Variants in AFG2A observed in about 807,000 individuals in gnomAD.
The protein encoded by AFG2A is AAA ATPase AFG2A.
the AFG2A span, among the ~76,000 whole-genome samples, chr4:123,265,200 G>T: frequency 2.0e-5 from 3 of 151,856 alleles, no homozygotes; most frequent in Admixed American, 2.0e-4. Context: ...TGAGATCTTT[G>T]GTTGTTATGC....
chr4:123,214,830 TAGCTCACTTTATTATA>T, the AFG2A span, among the ~76,000 whole-genome samples: 2 of 152,052 alleles, frequency 1.3e-5, no homozygotes, highest in Non-Finnish European at 2.9e-5. Context: ...CTTTTTTCTC[TAGCTCACTTTATTATA>T]AGAATACAGT....
the AFG2A span, chr4:122,934,659 A>G: frequency 6.2e-7 from 1 of 1,609,970 alleles, no homozygotes; most frequent in East Asian, 2.2e-5. Flanking sequence ...ACATGATAGG[A>G]GGATTAAGTA....
the AFG2A span, among the ~76,000 whole-genome samples, chr4:123,250,838 A>C: frequency 6.6e-6 from 1 of 152,192 alleles, no homozygotes; most frequent in African/African-American, 2.4e-5. Flanking sequence ...TTTTAATAAT[A>C]ATAGAACATG....
the AFG2A span, among the ~76,000 whole-genome samples, chr4:123,069,580 G>T: frequency 4.1e-3 from 618 of 152,164 alleles, 2 homozygotes; most frequent in Non-Finnish European, 7.3e-3. Context: ...CTTTTTGTTG[G>T]CCTATTTCCT....
At chr4:123,206,457 G>T in the AFG2A span, among the ~76,000 whole-genome samples, 2 of 152,058 alleles carry the variant, frequency 1.3e-5, no homozygotes, top group Non-Finnish European at 2.9e-5. Flanking sequence ...GATTAGTGCT[G>T]CAGACTCTGT....
chr4:122,936,136 A>G, the AFG2A span: 1 of 1,605,444 alleles, frequency 6.2e-7, no homozygotes, highest in African/African-American at 1.3e-5. Context: ...TACGTCAGAT[A>G]TTTGCTGAAG....
chr4:123,176,231 G>C, the AFG2A span, among the ~76,000 whole-genome samples: 2 of 152,098 alleles, frequency 1.3e-5, no homozygotes, highest in African/African-American at 4.8e-5. Context: ...AATATGCAGC[G>C]GTCTTGTTTT....
At chr4:123,274,759 A>G in the AFG2A span, among the ~76,000 whole-genome samples, 2 of 152,240 alleles carry the variant, frequency 1.3e-5, no homozygotes, top group East Asian at 1.9e-4. Context: ...ATGAAGGAAC[A>G]TGAGGCAAGA....
the AFG2A span, among the ~76,000 whole-genome samples, chr4:123,153,194 C>G: frequency 1.3e-5 from 2 of 152,208 alleles, no homozygotes; most frequent in Non-Finnish European, 1.5e-5. Context: ...CTGGGACTTT[C>G]TCCTGTAGCA....
At chr4:123,151,205 C>T in the AFG2A span, among the ~76,000 whole-genome samples, 3 of 152,114 alleles carry the variant, frequency 2.0e-5, no homozygotes, top group Non-Finnish European at 4.4e-5. Context: ...AGGAAGTAGG[C>T]ATGGGCAAAG....
the AFG2A span, among the ~76,000 whole-genome samples, chr4:123,114,893 T>C: frequency 6.6e-6 from 1 of 152,170 alleles, no homozygotes. Flanking sequence ...TGAGTCCCAG[T>C]GGCAGCACCT....
chr4:122,933,856 G>C, the AFG2A span, among the ~76,000 whole-genome samples: 1 of 152,134 alleles, frequency 6.6e-6, no homozygotes, highest in Non-Finnish European at 1.5e-5. Flanking sequence ...GCTATTTGTT[G>C]ATGTGATTGA....
the AFG2A span, among the ~76,000 whole-genome samples, chr4:123,093,666 A>G: frequency 6.6e-6 from 1 of 152,222 alleles, no homozygotes; most frequent in Admixed American, 6.5e-5. Flanking sequence ...AGATGGGCAC[A>G]GGTCTATCTT....
chr4:123,120,712 A>C, the AFG2A span, among the ~76,000 whole-genome samples: 1 of 152,278 alleles, frequency 6.6e-6, no homozygotes, highest in Admixed American at 6.5e-5. Flanking sequence ...ATGTGGTAGC[A>C]TAGTGCATTA....
At chr4:123,070,883 G>T in the AFG2A span, among the ~76,000 whole-genome samples, 2 of 152,058 alleles carry the variant, frequency 1.3e-5, no homozygotes, top group African/African-American at 4.8e-5. Context: ...GTCAATGAAG[G>T]TTTATTGGTT....
At chr4:123,156,316 A>G in the AFG2A span, among the ~76,000 whole-genome samples, 1 of 151,952 alleles carries the variant, frequency 6.6e-6, no homozygotes, top group Admixed American at 6.6e-5. Context: ...TACTGAAACA[A>G]ACATGTTAAA....
the AFG2A span, among the ~76,000 whole-genome samples, chr4:123,194,715 T>C: frequency 2.0e-5 from 3 of 152,224 alleles, no homozygotes; most frequent in African/African-American, 7.2e-5. Flanking sequence ...AAAGTGTTTT[T>C]GAATACTTAA....
At chr4:123,039,934 C>T in the AFG2A span, among the ~76,000 whole-genome samples, 11 of 152,132 alleles carry the variant, frequency 7.2e-5, no homozygotes, top group South Asian at 2.1e-3. Context: ...TTGACTAGCC[C>T]TTCATTCACA....
chr4:123,001,724 CTA>C, the AFG2A span, among the ~76,000 whole-genome samples: 41 of 152,200 alleles, frequency 2.7e-4, no homozygotes, highest in East Asian at 7.7e-3. Flanking sequence ...TTACTTCCAA[CTA>C]TGTGGTCAAT....
Sources: allele counts gnomAD v4.1 joint callset (sites outside exome capture counted in the v4.1 genomes callset), GRCh38; gene constraint gnomAD v4.1.1; transcripts MANE v1.5; gene names NCBI Gene and HGNC (gene_info 2026-07-23, HGNC 2026-07-21).